ZNF236: variants seen among roughly 807,000 people sequenced by gnomAD.
ZNF236 encodes regulated by glucose.
In ZNF236, 50 loss-of-function variants were observed where a neutral mutation model predicts 191.2. The observed-to-expected ratio is 0.26, with a 90% CI of 0.21 to 0.33. ZNF236 has a LOEUF of 0.33. ZNF236 is among the 10% of genes least tolerant of loss of function. The pLI is 1.00. For synonymous variants in ZNF236, 907 were observed against 928.8 expected (o/e 0.98, Z 0.43); for missense variants, 1,754 against 2,374.5 (o/e 0.74, Z 5.43).
At chr18:76,855,401 T>C (rs1173571565) in intron 3 of ZNF236, among the ~76,000 whole-genome samples, 1 of 152,222 alleles carries the variant, frequency 6.6e-6, no homozygotes, top group Non-Finnish European at 1.5e-5. Context: ...CAACTTTCAT[T>C]AGCAGTTTCT....
chr18:76,933,518 C>A (rs982782384), intron 25 of ZNF236, among the ~76,000 whole-genome samples: 1 of 151,226 alleles, frequency 6.6e-6, no homozygotes, highest in Non-Finnish European at 1.5e-5. Flanking sequence ...CTCTCACTCT[C>A]TCTCTCTCTC....
intron 11 of ZNF236, among the ~76,000 whole-genome samples, chr18:76,900,972 A>G (rs547912573): frequency 6.6e-6 from 1 of 152,152 alleles, no homozygotes; most frequent in Non-Finnish European, 1.5e-5. Context: ...GATCCCTCAC[A>G]TGCACAGTGC....
At position 76,927,684 on chromosome 18, in the gene ZNF236, T is replaced by C. The variant is rs1268110287; in HGVS notation, c.4414+167T>C. ...TAAGCTTTTCTTACAATTAATGATATGTATTTAATATATGCTCTTAGATTA... is the reference window on the plus strand; with the variant it reads ...TAAGCTTTTCTTACAATTAATGATACGTATTTAATATATGCTCTTAGATTA... On this transcript the variant is annotated intron_variant, in intron 24 of 30. Coordinates refer to ENST00000320610, the MANE Select transcript of ZNF236 (RefSeq NM_001306089.2). The surrounding 1 kb of genome is among the most constrained non-coding windows in gnomAD (Gnocchi z 5.4). Among the ~76,000 whole-genome samples the C allele has an allele frequency of 2.0e-5, 3 of 152,236 alleles. No homozygotes were observed. The highest frequency in any genetic ancestry group is 2.9e-5 in the Non-Finnish European group (2 of 68,046).
At chr18:76,915,881 A>G in intron 19 of ZNF236, 22 bp downstream of exon 19, 2 of 1,605,886 alleles carry the variant, frequency 1.2e-6, no homozygotes, top group Non-Finnish European at 1.7e-6. Context: ...TTGTTGATTC[A>G]AGGTGTATTA....
chr18:76,832,195 T>G (rs1185248888), intron 1 of ZNF236, among the ~76,000 whole-genome samples: 1 of 152,200 alleles, frequency 6.6e-6, no homozygotes, highest in Non-Finnish European at 1.5e-5. Context: ...TTCTTGTACC[T>G]CAGCCTCCTG....
chr18:76,895,468 A>G, intron 10 of ZNF236, 183 bp downstream of exon 10: 1 of 832,136 alleles, frequency 1.2e-6, no homozygotes, highest in South Asian at 1.8e-5. Context: ...CCCGCAATGC[A>G]GCACCCACAC....
At chr18:76,887,768 T>C (rs1977100359) in intron 9 of ZNF236, among the ~76,000 whole-genome samples, 1 of 152,108 alleles carries the variant, frequency 6.6e-6, no homozygotes, top group African/African-American at 2.4e-5. Context: ...GTGAGACTTA[T>C]TCAGTGTCAA....
chr18:76,925,093 T>G lies in ZNF236; in HGVS notation c.3662-96T>G. 5.9e-6 allele frequency: 9 copies of G among 1,516,966 alleles called. No homozygotes were observed. The highest frequency in any genetic ancestry group is 7.9e-6 in the Non-Finnish European group (9 of 1,133,384). The allele number at this position is 1,516,966 out of a possible 1,614,324, so 94.0% of individuals were successfully genotyped here. Reference sequence around the variant, plus strand: ...CATTAAAGTACTTCCATCCACTGATTCAACATATTTACATCCATAGTGACA... The same window carrying G: ...CATTAAAGTACTTCCATCCACTGATGCAACATATTTACATCCATAGTGACA... On this transcript the variant is annotated intron_variant, in intron 21 of 30. Coordinates refer to ENST00000320610, the MANE Select transcript of ZNF236 (RefSeq NM_001306089.2). This position sits in a 1 kb window ranked among gnomAD's most constrained non-coding sequence, Gnocchi z 5.7.
intron 27 of ZNF236, among the ~76,000 whole-genome samples, chr18:76,952,509 C>G (rs1968433094): frequency 6.6e-6 from 1 of 152,210 alleles, no homozygotes; most frequent in Non-Finnish European, 1.5e-5. Context: ...CCATTTGAAG[C>G]ACCCTGGGTT....
Position 76,849,514 on chromosome 18 carries a change from G to T in ZNF236, c.56-12G>T, listed in dbSNP as rs765705340. ...ACTGGTATTTATTGTCTATACTTATGCAATTTTATAGATGGAGTTTTAACA... is the reference window on the plus strand; with the variant it reads ...ACTGGTATTTATTGTCTATACTTATTCAATTTTATAGATGGAGTTTTAACA... On this transcript the variant is annotated splice_polypyrimidine_tract_variant and intron_variant, in intron 1 of 30. Transcript: ENST00000320610. 1.9e-6 allele frequency: 3 copies of T among 1,596,138 alleles called. No individual in the cohort carries two copies. In the Admixed American group the frequency reaches 5.4e-5, roughly 29 times the overall value.
chr18:76,967,407 T>G (rs1599434130), intron 30 of ZNF236, among the ~76,000 whole-genome samples: 3 of 136,772 alleles, frequency 2.2e-5, no homozygotes, highest in Non-Finnish European at 4.7e-5. Context: ...TTGTTGGAGG[T>G]GGTGTGATCT....
chr18:76,893,414 C>T (rs531698598), intron 9 of ZNF236, among the ~76,000 whole-genome samples: 19 of 152,284 alleles, frequency 1.2e-4, no homozygotes, highest in South Asian at 6.2e-4. Context: ...TTTTTACCCC[C>T]GTGATTTGTG....
Position 76,910,648 on chromosome 18 carries a change from A to G in ZNF236, c.2654-12A>G. ...TATTTTTGTAGAACTCCTCTTTTCT[A>G]ATTTATTTTAGGTTTTACAGTGACT... On this transcript the variant is annotated splice_polypyrimidine_tract_variant and intron_variant, in intron 15 of 30. Transcript: ENST00000320610. 1 of 1,605,862 alleles carries G rather than the reference A, an allele frequency of 6.2e-7. No homozygotes were observed. The highest frequency in any genetic ancestry group is 8.5e-7 in the Non-Finnish European group (1 of 1,175,836).
chr18:76,923,049 A>G (rs910629995), intron 20 of ZNF236, 22 bp from the exon 21 acceptor site: 2 of 1,548,650 alleles, frequency 1.3e-6, no homozygotes, highest in Non-Finnish European at 8.9e-7. Flanking sequence ...CAATATGTCT[A>G]TAATTAATGC....
rs966004990 is a variant in ZNF236, at chr18:76,879,685, C to T, written c.985-428C>T. On this transcript the variant is annotated intron_variant, in intron 7 of 30. Transcript: ENST00000320610. Reference sequence around the variant, plus strand: ...GGTTTTCTTGGCTGTAGCATTACAGCGCCTTTATTCCTCCAGTCTCCTTGC... The same window carrying T: ...GGTTTTCTTGGCTGTAGCATTACAGTGCCTTTATTCCTCCAGTCTCCTTGC... Among the ~76,000 whole-genome samples the T allele has an allele frequency of 1.4e-4, 22 of 152,188 alleles. 1 individual carries two copies. The highest frequency in any genetic ancestry group is 2.2e-4 in the African/African-American group (9 of 41,436).
chr18:76,876,551 G>T (rs1369627752), intron 6 of ZNF236, among the ~76,000 whole-genome samples: 3 of 152,086 alleles, frequency 2.0e-5, no homozygotes, highest in Non-Finnish European at 4.4e-5. Flanking sequence ...AATCTAAAAT[G>T]AGAAAAAAAC....
chr18:76,828,460 G>A (rs1309453740), intron 1 of ZNF236, among the ~76,000 whole-genome samples: 1 of 152,242 alleles, frequency 6.6e-6, no homozygotes, highest in South Asian at 2.1e-4. Context: ...GAGCCCCCAC[G>A]CCTGCCAGAC....
chr18:76,910,217 T>C, intron 15 of ZNF236, 48 bp downstream of exon 15: 7 of 1,467,000 alleles, frequency 4.8e-6, no homozygotes, highest in Non-Finnish European at 5.7e-6. Flanking sequence ...TATACTTCAG[T>C]TGAATTTAAT....
At chr18:76,932,625 C>T (rs1967888338) in intron 25 of ZNF236, among the ~76,000 whole-genome samples, 1 of 152,146 alleles carries the variant, frequency 6.6e-6, no homozygotes, top group African/African-American at 2.4e-5. Flanking sequence ...GGATTCATGC[C>T]CTGCTGGCCG....
Sources: allele counts gnomAD v4.1 joint callset (sites outside exome capture counted in the v4.1 genomes callset), GRCh38; gene constraint gnomAD v4.1.1; non-coding constraint Gnocchi (gnomAD v3.1); transcripts MANE v1.5; gene names NCBI Gene and HGNC (gene_info 2026-07-23, HGNC 2026-07-21).